The following MYRIP variants were observed in gnomAD, a reference collection of about 807,000 sequenced individuals.
The protein encoded by MYRIP is myosin VIIA and Rab interacting protein, also known as rab effector MyRIP.
Under a neutral mutation model 98.0 loss-of-function variants are expected in MYRIP, and 49 were observed. The observed-to-expected ratio is 0.50, with a 90% confidence interval of 0.40 to 0.63. The LOEUF is 0.63. MYRIP is among the 30% of genes least tolerant of loss of function. The pLI is 0.00. For synonymous variants in MYRIP, 404 were observed against 409.5 expected, an observed-to-expected ratio of 0.99 and a Z score of 0.16; for missense variants, 1,004 against 1,058.2, an observed-to-expected ratio of 0.95 and a Z score of 0.71.
chr3:39,858,492 A>G (rs1040836955), intron 1 of MYRIP, among the ~76,000 whole-genome samples: 3 of 152,154 alleles, frequency 2.0e-5, no homozygotes, highest in African/African-American at 4.8e-5. Flanking sequence ...TCCAGACAGA[A>G]AATCAATAAA....
At chr3:39,995,220 C>G (rs1362797782) in intron 2 of MYRIP, among the ~76,000 whole-genome samples, 3 of 152,086 alleles carry the variant, frequency 2.0e-5, no homozygotes, top group Admixed American at 1.3e-4. Flanking sequence ...AAGAAGGCTT[C>G]AGATGATCAA....
intron 12 of MYRIP, among the ~76,000 whole-genome samples, chr3:40,241,014 G>A (rs1208319367): frequency 1.3e-5 from 2 of 152,116 alleles, no homozygotes; most frequent in Admixed American, 6.5e-5. Context: ...GTCCAAATTG[G>A]TCGGCCTCCC....
rs573132920 is a variant in MYRIP, at chr3:40,074,117, C to T, written c.332+29846C>T. Among the ~76,000 whole-genome samples the T allele has an allele frequency of 3.3e-5, 5 of 151,384 alleles. No homozygotes were observed. In the East Asian group the frequency reaches 9.7e-4, roughly 29 times the overall value. On this transcript the variant is annotated intron_variant, in intron 3 of 16. Transcript: ENST00000302541. ...TGAGATGGAGTCTTGCTCTGTCACCCAGGTTGGAGTGCAGTGGCGCGATCT... is the reference window on the plus strand; with the variant it reads ...TGAGATGGAGTCTTGCTCTGTCACCTAGGTTGGAGTGCAGTGGCGCGATCT...
intron 11 of MYRIP, among the ~76,000 whole-genome samples, chr3:40,213,461 A>T (rs1349594431): frequency 6.6e-6 from 1 of 152,192 alleles, no homozygotes; most frequent in Non-Finnish European, 1.5e-5. Flanking sequence ...TTGCAGTGTC[A>T]TGCTGTGGGT....
intron 11 of MYRIP, among the ~76,000 whole-genome samples, chr3:40,225,417 C>T (rs1035141472): frequency 2.0e-5 from 3 of 152,146 alleles, no homozygotes; most frequent in African/African-American, 2.4e-5. Flanking sequence ...GACTCCCTGT[C>T]GTTAGACTCC....
intron 2 of MYRIP, among the ~76,000 whole-genome samples, chr3:39,946,431 T>C (rs725295): frequency 0.19 from 28,935 of 151,978 alleles, 4,009 homozygotes; most frequent in African/African-American, 0.39. Flanking sequence ...AGGAAAATTA[T>C]CCAGATGGGC....
At chr3:40,204,237 T>TATATATA (rs376871030) in intron 10 of MYRIP, among the ~76,000 whole-genome samples, 1 of 63,568 alleles carries the variant, frequency 1.6e-5, no homozygotes, top group Non-Finnish European at 2.6e-5. Flanking sequence ...ATATATATAT[T>TATATATA]TTTTTTTTTT....
At chr3:39,861,792 GA>G (rs1230124699) in intron 1 of MYRIP, among the ~76,000 whole-genome samples, 1 of 151,848 alleles carries the variant, frequency 6.6e-6, no homozygotes, top group African/African-American at 2.4e-5. Flanking sequence ...AAAAGTAAAG[GA>G]AAAAACAATA....
chr3:40,227,075 G>A (rs1952510788), intron 11 of MYRIP, among the ~76,000 whole-genome samples: 1 of 152,170 alleles, frequency 6.6e-6, no homozygotes, highest in South Asian at 2.1e-4. Context: ...CTTACCTTCT[G>A]CTACCTGCTG....
intron 3 of MYRIP, among the ~76,000 whole-genome samples, chr3:40,139,616 G>A (rs1341748789): frequency 2.0e-5 from 3 of 152,088 alleles, no homozygotes; most frequent in Non-Finnish European, 4.4e-5. Context: ...GTCGCCTTCT[G>A]TTGCCCAGGC....
chr3:40,185,926 C>T (rs1234215682), intron 9 of MYRIP, among the ~76,000 whole-genome samples: 1 of 152,098 alleles, frequency 6.6e-6, no homozygotes, highest in Non-Finnish European at 1.5e-5. Flanking sequence ...AAGTAGTATT[C>T]ATGTGCCCAG....
intron 10 of MYRIP, among the ~76,000 whole-genome samples, chr3:40,199,842 T>A (rs1951503788): frequency 6.6e-6 from 1 of 151,940 alleles, no homozygotes; most frequent in African/African-American, 2.4e-5. Flanking sequence ...AGACAAATCA[T>A]AATATGGCTG....
chr3:39,876,860 CTG>C (rs1257545357), intron 1 of MYRIP, among the ~76,000 whole-genome samples: 1 of 152,000 alleles, frequency 6.6e-6, no homozygotes, highest in Non-Finnish European at 1.5e-5. Context: ...GTGGTGTTCT[CTG>C]TATTTCCTGA....
intron 9 of MYRIP, among the ~76,000 whole-genome samples, chr3:40,183,886 A>G (rs574382213): frequency 6.6e-6 from 1 of 152,376 alleles, no homozygotes; most frequent in Admixed American, 6.5e-5. Context: ...ACCAACAACT[A>G]TAGAAACAAA....
At chr3:39,897,515 G>A (rs1010098638) in intron 1 of MYRIP, among the ~76,000 whole-genome samples, 1 of 152,172 alleles carries the variant, frequency 6.6e-6, no homozygotes, top group South Asian at 2.1e-4. Context: ...AAATCAAGGG[G>A]TAGGGGCACC....
At chr3:40,102,167 A>C (rs1401359386) in intron 3 of MYRIP, among the ~76,000 whole-genome samples, 1 of 152,190 alleles carries the variant, frequency 6.6e-6, no homozygotes, top group African/African-American at 2.4e-5. Context: ...ATGTGCCTGG[A>C]GCCCTGGTCT....
chr3:39,884,478 C>A (rs533190846), intron 1 of MYRIP, among the ~76,000 whole-genome samples: 1 of 152,018 alleles, frequency 6.6e-6, no homozygotes, highest in Non-Finnish European at 1.5e-5. Context: ...AGCAGATTAC[C>A]CTCCACAATG....
At chr3:39,926,061 G>A (rs1944416599) in intron 2 of MYRIP, among the ~76,000 whole-genome samples, 1 of 152,022 alleles carries the variant, frequency 6.6e-6, no homozygotes, top group Non-Finnish European at 1.5e-5. Context: ...TAGTGGTTTT[G>A]ATTTGTATTT....
intron 2 of MYRIP, among the ~76,000 whole-genome samples, chr3:40,017,310 G>A (rs1028144582): frequency 2.0e-5 from 3 of 152,068 alleles, no homozygotes; most frequent in Non-Finnish European, 4.4e-5. Flanking sequence ...ACTACAAAAC[G>A]ATGAGTGTAT....
Sources: allele counts gnomAD v4.1 joint callset (sites outside exome capture counted in the v4.1 genomes callset), GRCh38; gene constraint gnomAD v4.1.1; transcripts MANE v1.5; gene names NCBI Gene and HGNC (gene_info 2026-07-23, HGNC 2026-07-21).